The following NCOR2 variants were observed in gnomAD, a reference collection of about 807,000 sequenced individuals.
NCOR2 encodes nuclear receptor corepressor 2, also known as CTG repeat protein 26.
NCOR2 carries 81 observed loss-of-function variants against 262.9 expected under a neutral mutation model. The ratio of observed to expected loss-of-function variants is 0.31; its 90% CI spans 0.26 to 0.37. NCOR2 has a LOEUF of 0.37. NCOR2 is among the 10% of genes least tolerant of loss of function. The probability of loss-of-function intolerance (pLI) is 1.00; values close to 1 mark genes in which losing one functional copy is unlikely to be tolerated. For missense variants in NCOR2, 3,385 were observed against 3,621.4 expected (o/e 0.93, Z 1.68); for synonymous variants, 1,659 against 1,559.3 (o/e 1.06, Z -1.51).
intron 5 of NCOR2, among the ~76,000 whole-genome samples, chr12:124,460,816 C>A (rs2046123157): frequency 6.6e-6 from 1 of 152,264 alleles, no homozygotes; most frequent in African/African-American, 2.4e-5. Flanking sequence ...TCCCCAACCC[C>A]AATATTCCCG....
rs1475581977 is a variant in NCOR2 at position 124,566,812 on chromosome 12, C to T, written c.-165+496G>A. On this transcript the variant is annotated intron_variant, in intron 1 of 32. Transcript: ENST00000458234. The surrounding 1 kb of genome is among the most constrained non-coding windows in gnomAD (Gnocchi z 4.3). The stretch of plus-strand genomic sequence containing the variant: ...CTAGGAGGGACAAGGCTGGCTCTCC[C>T]CCTCGGCTGGTGAGAGACCCTCATG... Among the ~76,000 whole-genome samples, 1 of 152,190 alleles carries T rather than the reference C, an allele frequency of 6.6e-6. No homozygotes were observed. The highest frequency in any genetic ancestry group is 1.5e-5 in the Non-Finnish European group (1 of 68,002).
chr12:124,353,313 C>T (rs2037661864), intron 27 of NCOR2, among the ~76,000 whole-genome samples: 1 of 152,240 alleles, frequency 6.6e-6, no homozygotes, highest in Admixed American at 6.5e-5. Context: ...GGCCCTCAGC[C>T]TGACTTTTGT....
chr12:124,499,802 A>G (rs2048596426), upstream of NCOR2, among the ~76,000 whole-genome samples: 1 of 152,084 alleles, frequency 6.6e-6, no homozygotes, highest in Admixed American at 6.5e-5. Flanking sequence ...GGGAGAGTAA[A>G]GGGTCAGTGT....
rs1420200699 is a variant in NCOR2, at chr12:124,566,905, G to C, written c.-165+403C>G. Among the ~76,000 whole-genome samples the C allele has an allele frequency of 6.6e-6, 1 of 152,220 alleles. No individual in the cohort carries two copies. Among genetic ancestry groups the C allele is most frequent in the Non-Finnish European group, 1.5e-5 (1 of 68,038 alleles). On this transcript the variant is annotated intron_variant, in intron 1 of 32. Coordinates refer to the NCOR2 transcript ENST00000458234. This position sits in a 1 kb window ranked among gnomAD's most constrained non-coding sequence, Gnocchi z 4.3. The stretch of plus-strand genomic sequence containing the variant: ...CTCCAAGGGCTTTCAAACCCGCGCT[G>C]CCCGATGGAAAATAAGGCGCAGTGT...
intron 20 of NCOR2, among the ~76,000 whole-genome samples, chr12:124,364,632 G>A (rs183258357): frequency 3.3e-5 from 5 of 152,188 alleles, no homozygotes; most frequent in Non-Finnish European, 2.9e-5. Context: ...GGTGGGTGCC[G>A]TTTCCTTCAG....
At chr12:124,326,293 C>G (rs1367727521) in exon 46 of NCOR2, 1 of 1,567,486 alleles carries the variant, frequency 6.4e-7, no homozygotes, top group South Asian at 1.2e-5. Context: ...GGCCGGTCCC[C>G]AGATGCCAGG....
chr12:124,349,165 A>G (rs1168872235), intron 28 of NCOR2, among the ~76,000 whole-genome samples: 3 of 152,202 alleles, frequency 2.0e-5, no homozygotes, highest in African/African-American at 4.8e-5. Flanking sequence ...AGGAGCCTAC[A>G]TGGGCCCGGC....
chr12:124,429,759 T>C, intron 9 of NCOR2, 53 bp from the exon 12 acceptor site: 1 of 1,483,920 alleles, frequency 6.7e-7, no homozygotes, highest in Non-Finnish European at 9.2e-7. Context: ...TCGGGGACAC[T>C]AGCAGACCCC....
exon 19 of NCOR2, chr12:124,374,429 C>T (rs745768593): frequency 1.2e-6 from 2 of 1,612,994 alleles, no homozygotes; most frequent in Admixed American, 3.3e-5. Flanking sequence ...CACTGCATTC[C>T]CCTCTGGGCA....
intron 3 of NCOR2, among the ~76,000 whole-genome samples, chr12:124,473,771 T>C (rs1383265626): frequency 6.6e-6 from 1 of 152,088 alleles, no homozygotes; most frequent in Non-Finnish European, 1.5e-5. Flanking sequence ...CTTTTTTAAA[T>C]TGACCAGTCT....
intron 27 of NCOR2, among the ~76,000 whole-genome samples, chr12:124,353,065 A>G (rs1039877309): frequency 2.0e-5 from 3 of 152,156 alleles, no homozygotes; most frequent in Non-Finnish European, 4.4e-5. Context: ...CCTATCTCAC[A>G]TGTTTTGGCA....
intron 13 of NCOR2, among the ~76,000 whole-genome samples, chr12:124,409,905 C>T (rs191895904): frequency 1.5e-4 from 23 of 152,000 alleles, no homozygotes; most frequent in South Asian, 4.2e-4. Flanking sequence ...TCTTGAACTC[C>T]TGGGCTCAAG....
At chr12:124,473,459 A>G (rs2079232857) in intron 3 of NCOR2, among the ~76,000 whole-genome samples, 1 of 152,098 alleles carries the variant, frequency 6.6e-6, no homozygotes, top group Non-Finnish European at 1.5e-5. Context: ...CTCGAACATC[A>G]CACTCCAAGT....
intron 1 of NCOR2, among the ~76,000 whole-genome samples, chr12:124,553,151 T>C (rs2051768565): frequency 6.6e-6 from 1 of 152,164 alleles, no homozygotes; most frequent in Admixed American, 6.5e-5. Flanking sequence ...CCTTGGCTAA[T>C]GGCCCCTTCT....
intron 8 of NCOR2, among the ~76,000 whole-genome samples, chr12:124,433,904 A>ACACACG (rs1555222720): frequency 0.18 from 17,274 of 93,568 alleles, 2,526 homozygotes; most frequent in East Asian, 0.32. Context: ...ACACACGCAC[A>ACACACG]CACACACACA....
chr12:124,500,771 G>A (rs2048657664), intron 1 of NCOR2, among the ~76,000 whole-genome samples: 1 of 152,080 alleles, frequency 6.6e-6, no homozygotes, highest in African/African-American at 2.4e-5. Context: ...GATTTTCTGT[G>A]TCTTGAGCGG....
intron 1 of NCOR2, among the ~76,000 whole-genome samples, 185 bp downstream of exon 3, chr12:124,494,962 A>AT (rs2048304141): frequency 6.6e-6 from 1 of 151,938 alleles, no homozygotes. Flanking sequence ...GAGCAAAGAG[A>AT]TTTTATCAGA....
chr12:124,552,325 A>C (rs1049879859), intron 1 of NCOR2, among the ~76,000 whole-genome samples: 1 of 152,110 alleles, frequency 6.6e-6, no homozygotes, highest in Non-Finnish European at 1.5e-5. Flanking sequence ...TCTCAAAAAA[A>C]AAAACCACTA....
rs539049562 is a variant in NCOR2 at position 124,459,108 on chromosome 12, A to G, written c.706-1946T>C. ...AAGGTATGTGTGAAAGTGGGGCACA[A>G]GTCACTCTCCCAAAAAGGTAACAGG... is the stretch of plus-strand genomic sequence containing the variant. On this transcript the variant is annotated intron_variant, in intron 5 of 46. Transcript: ENST00000405201. Among the ~76,000 whole-genome samples, 46 of 152,290 alleles carry G rather than the reference A, an allele frequency of 3.0e-4. 1 individual carries two copies. The highest frequency in any genetic ancestry group is 1.0e-3 in the South Asian group (5 of 4,822).
Sources: gnomAD v4.1 joint callset for allele counts (sites outside exome capture counted in the v4.1 genomes callset) on GRCh38, gnomAD v4.1.1 for gene constraint, Gnocchi (gnomAD v3.1) non-coding constraint, MANE v1.5 for transcripts, NCBI Gene and HGNC (gene_info 2026-07-23, HGNC 2026-07-21) for gene names.